GHR: variants seen among roughly 807,000 people sequenced by gnomAD.
GHR encodes GH receptor.
GHR carries 35 observed loss-of-function variants against 67.1 expected under a neutral mutation model. The observed-to-expected ratio is 0.52, with a 90% CI of 0.40 to 0.69. GHR has a LOEUF of 0.69. Ranked by LOEUF, GHR falls within the 30% of genes least tolerant of loss-of-function variation. The pLI is 0.00. For synonymous variants in GHR, 272 were observed against 269.1 expected, an observed-to-expected ratio of 1.01 and a Z score of -0.10; for missense variants, 792 against 764.6, an observed-to-expected ratio of 1.04 and a Z score of -0.42.
chr5:42,516,085 G>T (rs531745388), intron 1 of GHR, among the ~76,000 whole-genome samples: 1 of 152,218 alleles, frequency 6.6e-6, no homozygotes, highest in Admixed American at 6.5e-5. Flanking sequence ...TTAGTTCTTT[G>T]TAGTCTTTAT....
chr5:42,456,391 G>T (rs1474381873), intron 1 of GHR, among the ~76,000 whole-genome samples: 1 of 152,178 alleles, frequency 6.6e-6, no homozygotes, highest in East Asian at 1.9e-4. Flanking sequence ...GCTCTCAGGT[G>T]ATATATTTCT....
chr5:42,493,592 A>T (rs923464841), intron 1 of GHR, among the ~76,000 whole-genome samples: 2 of 152,192 alleles, frequency 1.3e-5, no homozygotes, highest in East Asian at 3.8e-4. Flanking sequence ...TGTTAATGGG[A>T]TCTATATAGA....
chr5:42,626,801 CT>C (rs1753727391), intron 2 of GHR, among the ~76,000 whole-genome samples: 1 of 152,184 alleles, frequency 6.6e-6, no homozygotes, highest in Admixed American at 6.5e-5. Context: ...AGTAGTTTCA[CT>C]GGGAGGTAAA....
At chr5:42,505,122 G>GTTTTTTTTT (rs35690685) in intron 1 of GHR, among the ~76,000 whole-genome samples, 7 of 134,872 alleles carry the variant, frequency 5.2e-5, no homozygotes, top group Admixed American at 7.4e-5. Flanking sequence ...GCTGTTGACT[G>GTTTTTTTTT]TTTTTTTTTT....
chr5:42,487,198 CCTT>C (rs1432235980), intron 1 of GHR, among the ~76,000 whole-genome samples: 2 of 152,158 alleles, frequency 1.3e-5, no homozygotes, highest in African/African-American at 2.4e-5. Flanking sequence ...GATACTTTGT[CCTT>C]CTGATAATCA....
intron 1 of GHR, among the ~76,000 whole-genome samples, chr5:42,536,639 T>C (rs944584087): frequency 1.3e-5 from 2 of 152,140 alleles, no homozygotes; most frequent in Admixed American, 6.6e-5. Flanking sequence ...TTTGGTTATG[T>C]CCTTTCCTGG....
At chr5:42,467,764 G>A in intron 1 of GHR, 7 of 1,539,470 alleles carry the variant, frequency 4.5e-6, no homozygotes, top group Non-Finnish European at 6.3e-6. Flanking sequence ...AACGAGGTTT[G>A]CACTCTGACT....
chr5:42,659,866 G>A (rs1580143550), intron 3 of GHR, among the ~76,000 whole-genome samples: 1 of 152,136 alleles, frequency 6.6e-6, no homozygotes, highest in African/African-American at 2.4e-5. Context: ...AAAGAAAGGG[G>A]TGACAGATGG....
chr5:42,498,587 C>T lies in GHR; in HGVS notation c.-11-67277C>T, dbSNP rs191734878. Among the ~76,000 whole-genome samples the T allele has an allele frequency of 5.3e-4, 81 of 152,288 alleles. 1 individual carries two copies. The East Asian group carries it at 0.013, about 25-fold the overall frequency. ...CTTCTTCTAGCTTTTTCTTCATGCT[C>T]ACAAAATGGTTGAAGGAGATCCAAG... On this transcript the variant is annotated intron_variant, in intron 1 of 9. Transcript: ENST00000230882.
intron 3 of GHR, among the ~76,000 whole-genome samples, chr5:42,632,371 G>A (rs1421805485): frequency 6.6e-6 from 1 of 152,168 alleles, no homozygotes; most frequent in Non-Finnish European, 1.5e-5. Flanking sequence ...GCTGGTCTGA[G>A]AGAGGTCATG....
At chr5:42,681,027 A>G (rs1382753432) in intron 3 of GHR, among the ~76,000 whole-genome samples, 1 of 152,138 alleles carries the variant, frequency 6.6e-6, no homozygotes, top group Non-Finnish European at 1.5e-5. Flanking sequence ...AACCTAGGCA[A>G]TACCATTCAG....
intron 3 of GHR, among the ~76,000 whole-genome samples, chr5:42,671,681 G>A (rs545861900): frequency 1.3e-3 from 191 of 151,482 alleles, no homozygotes; most frequent in Non-Finnish European, 6.2e-4. Context: ...AGGCGGCCGG[G>A]CGCGGTGGCT....
chr5:42,713,443 T>A lies in GHR; in HGVS notation c.799T>A (p.Trp267Arg). 1 of 1,427,436 alleles carries A rather than the reference T, an allele frequency of 7.0e-7. No homozygotes were observed. Among genetic ancestry groups the A allele is most frequent in the Non-Finnish European group, 9.9e-7 (1 of 1,012,588 alleles). The allele number at this position is 1,427,436 out of a possible 1,614,324, so 88.4% of individuals were successfully genotyped here. A position where few individuals can be genotyped will look rare whatever the true frequency, so the allele number is the denominator to read the frequency against. ...FTCEEDFYFP[W>R]LLIIIFGIFG... The stretch of plus-strand genomic sequence containing the variant: ...GTGTGTTTCAGATTTCTACTTTCCA[T>A]GGCTCTTAATTATTATCTTTGGAAT... The change falls in exon 8 of 10, where the codon TGG becomes AGG. Residue 267 changes from tryptophan to arginine, a missense_variant. By Grantham distance (101) the Trp-to-Arg change is moderately radical. Transcript: ENST00000230882.
intron 1 of GHR, among the ~76,000 whole-genome samples, chr5:42,428,934 G>A (rs991473581): frequency 6.6e-6 from 1 of 152,070 alleles, no homozygotes; most frequent in Non-Finnish European, 1.5e-5. Context: ...ACATTTTCCT[G>A]TCTTCTTTTG....
chr5:42,644,319 C>T (rs527326385), intron 3 of GHR, among the ~76,000 whole-genome samples: 32 of 152,248 alleles, frequency 2.1e-4, no homozygotes, highest in Admixed American at 5.9e-4. Flanking sequence ...TGATCTGAAT[C>T]AAAGTAAGCC....
intron 3 of GHR, among the ~76,000 whole-genome samples, chr5:42,651,777 C>CT (rs1755028942): frequency 6.6e-6 from 1 of 152,138 alleles, no homozygotes; most frequent in East Asian, 1.9e-4. Flanking sequence ...AATATGAGTA[C>CT]TTTTTTTAAT....
chr5:42,468,438 TGAG>T, intron 1 of GHR: 1 of 947,794 alleles, frequency 1.1e-6, no homozygotes, highest in South Asian at 1.7e-5. Context: ...AGGGCCAAGA[TGAG>T]TATTGCCTAC....
intron 2 of GHR, among the ~76,000 whole-genome samples, chr5:42,569,630 G>A (rs2112492690): frequency 6.6e-6 from 1 of 152,174 alleles, no homozygotes; most frequent in South Asian, 2.1e-4. Context: ...ATATTCATAT[G>A]TAACATATAT....
intron 3 of GHR, among the ~76,000 whole-genome samples, chr5:42,667,545 C>G (rs1030910933): frequency 6.6e-6 from 1 of 152,116 alleles, no homozygotes; most frequent in South Asian, 2.1e-4. Context: ...AGGCATCACC[C>G]CAATCTAATT....
Sources: allele counts gnomAD v4.1 joint callset (sites outside exome capture counted in the v4.1 genomes callset), GRCh38; gene constraint gnomAD v4.1.1; transcripts MANE v1.5; gene names NCBI Gene and HGNC (gene_info 2026-07-23, HGNC 2026-07-21).